The following KIAA0825 variants were observed in gnomAD, a reference collection of about 807,000 sequenced individuals.
KIAA0825 encodes uncharacterized protein KIAA0825.
In KIAA0825, 119 loss-of-function variants were observed where a neutral mutation model predicts 147.6. The ratio of observed to expected loss-of-function variants is 0.81; its 90% CI spans 0.69 to 0.94. The LOEUF (loss-of-function observed/expected upper bound fraction) is 0.94, where lower values mean the gene tolerates loss of function less well. KIAA0825 is among the 40% of genes least tolerant of loss of function. KIAA0825 has a pLI of 0.00. For missense variants in KIAA0825, 1,381 were observed against 1,472.7 expected (o/e 0.94, Z 1.02); for synonymous variants, 470 against 518.1 (o/e 0.91, Z 1.26).
chr5:94,178,282 T>G (rs1225885042), intron 20 of KIAA0825, among the ~76,000 whole-genome samples: 8 of 152,034 alleles, frequency 5.3e-5, no homozygotes, highest in African/African-American at 1.9e-4. Context: ...GTTAGTCCTT[T>G]CTATCAGTTA....
At chr5:94,584,933 C>A (rs915784652) in intron 1 of KIAA0825, among the ~76,000 whole-genome samples, 2 of 152,104 alleles carry the variant, frequency 1.3e-5, no homozygotes, top group African/African-American at 4.8e-5. Context: ...TCATATTGAG[C>A]CAAACTAAGC....
chr5:94,483,528 G>A (rs1476661797), intron 6 of KIAA0825, among the ~76,000 whole-genome samples: 2 of 151,466 alleles, frequency 1.3e-5, no homozygotes, highest in African/African-American at 2.4e-5. Flanking sequence ...TCTAAAAGAC[G>A]TTTTAAGGGT....
intron 20 of KIAA0825, among the ~76,000 whole-genome samples, chr5:94,273,675 G>C (rs1373582856): frequency 1.3e-5 from 2 of 152,028 alleles, no homozygotes; most frequent in Non-Finnish European, 2.9e-5. Context: ...TTTCTTAAAG[G>C]TGATTGGGGT....
At chr5:94,375,094 C>T (rs1270778382) in intron 20 of KIAA0825, among the ~76,000 whole-genome samples, 4 of 147,106 alleles carry the variant, frequency 2.7e-5, no homozygotes, top group East Asian at 2.0e-4. Flanking sequence ...TGCAGTGGCA[C>T]GACCTCGGCT....
At chr5:94,565,095 C>CTTTGTTTTTTTTTTTTTTTTTTTTTTTT (rs1778432946) in intron 2 of KIAA0825, among the ~76,000 whole-genome samples, 1 of 52,936 alleles carries the variant, frequency 1.9e-5, no homozygotes, top group Non-Finnish European at 3.7e-5. Context: ...TCTTGCTTTC[C>CTTTGTTTTTTTTTTTTTTTTTTTTTTTT]TTTTTTTTTT....
intron 20 of KIAA0825, among the ~76,000 whole-genome samples, chr5:94,258,931 A>G (rs750559526): frequency 6.6e-6 from 1 of 152,004 alleles, no homozygotes; most frequent in Non-Finnish European, 1.5e-5. Flanking sequence ...TCACGACTCC[A>G]TTGGTAGCTC....
At chr5:94,411,126 A>G (rs1020174818) in intron 15 of KIAA0825, among the ~76,000 whole-genome samples, 2 of 152,194 alleles carry the variant, frequency 1.3e-5, no homozygotes, top group African/African-American at 4.8e-5. Context: ...TATCAGATGC[A>G]AAGTGGTATA....
chr5:94,336,174 A>T (rs1781767327), intron 20 of KIAA0825, among the ~76,000 whole-genome samples: 1 of 152,020 alleles, frequency 6.6e-6, no homozygotes, highest in Middle Eastern at 3.2e-3. Flanking sequence ...GTTTGAGACC[A>T]GCCTAGCCGA....
chr5:94,467,645 C>A (rs901350323), intron 10 of KIAA0825, among the ~76,000 whole-genome samples: 2 of 152,220 alleles, frequency 1.3e-5, no homozygotes, highest in Non-Finnish European at 2.9e-5. Flanking sequence ...GTATCTAGAT[C>A]TCACTTGCTA....
At chr5:94,435,916 A>G (rs1021995774) in intron 14 of KIAA0825, among the ~76,000 whole-genome samples, 3 of 152,104 alleles carry the variant, frequency 2.0e-5, no homozygotes, top group South Asian at 2.1e-4. Context: ...GGCTGCATGT[A>G]TATCTTCTTT....
At chr5:94,464,373 AT>A (rs1383623183) in intron 11 of KIAA0825, among the ~76,000 whole-genome samples, 1 of 152,160 alleles carries the variant, frequency 6.6e-6, no homozygotes, top group Admixed American at 6.5e-5. Context: ...AATAGTGAAA[AT>A]AAAAGGAAAA....
At chr5:94,533,346 G>A (rs752420392) in intron 3 of KIAA0825, among the ~76,000 whole-genome samples, 59 of 141,392 alleles carry the variant, frequency 4.2e-4, no homozygotes, top group Non-Finnish European at 7.7e-4. Context: ...GTGTGATCTC[G>A]GCTCACTGCA....
In KIAA0825 at chr5:94,403,670, G is replaced by A. The variant is rs1196788464; in HGVS notation, c.2786C>T (p.Thr929Ile). Residue 929 changes from threonine to isoleucine, a missense_variant, in exon 16 of 21, where the codon ACA (threonine) becomes ATA (isoleucine). By Grantham distance (89) the Thr-to-Ile change is moderately conservative. Coordinates refer to ENST00000682413, the MANE Select transcript of KIAA0825 (RefSeq NM_001145678.3). ...AGGAACAATGTGCTTGTTTAGGTTT[G>A]TCTCACAGTTTCTCCTAGAACTCAT... ...SVMSSRRNCETNLNKHIVPDC... is the reference protein window; with the variant it reads ...SVMSSRRNCEINLNKHIVPDC... 1 of 1,551,538 alleles carries A rather than the reference G, an allele frequency of 6.4e-7. No individual in the cohort carries two copies. Among genetic ancestry groups the A allele is most frequent in the Non-Finnish European group, 8.7e-7 (1 of 1,146,892 alleles).
At chr5:94,585,817 G>GA (rs1343355709) in intron 1 of KIAA0825, among the ~76,000 whole-genome samples, 2 of 152,088 alleles carry the variant, frequency 1.3e-5, no homozygotes, top group Non-Finnish European at 2.9e-5. Flanking sequence ...AAATGTAAAA[G>GA]AACAGAAATC....
rs1223490806 is a variant in KIAA0825 at position 94,307,719 on chromosome 5, A to G, written c.3710+76649T>C. On this transcript the variant is annotated intron_variant, in intron 20 of 20. Transcript: ENST00000682413. ...CTTCTTCCCAGATAAGATGATAACT[A>G]CTCCACCTCGAAAACAGAGATTGTC... Among the ~76,000 whole-genome samples, 3 of 151,566 alleles carry G rather than the reference A, an allele frequency of 2.0e-5. No individual in the cohort carries two copies. The East Asian group carries it at 5.9e-4, about 30-fold the overall frequency.
chr5:94,461,294 C>T (rs555261648), intron 12 of KIAA0825, among the ~76,000 whole-genome samples: 87 of 151,906 alleles, frequency 5.7e-4, no homozygotes, highest in Non-Finnish European at 1.1e-3. Context: ...ACTTTGTTCC[C>T]GATTTTCACA....
chr5:94,164,050 T>TA (rs529643869), intron 20 of KIAA0825, among the ~76,000 whole-genome samples: 16 of 152,228 alleles, frequency 1.1e-4, no homozygotes, highest in Non-Finnish European at 1.9e-4. Flanking sequence ...AGTCACATTT[T>TA]AGAACAGAGT....
At chr5:94,520,098 C>A (rs1175863915) in intron 5 of KIAA0825, 150 bp downstream of exon 5, 2 of 1,153,658 alleles carry the variant, frequency 1.7e-6, no homozygotes, top group Admixed American at 3.9e-5. Flanking sequence ...GAAAAAAATG[C>A]ATGAGAAATG....
Position 94,396,383 on chromosome 5 carries a change from A to T in KIAA0825, c.3014T>A (p.Phe1005Tyr). ...CAGGCCAGCTTTCTTCAATTCAACA[A>T]ATTTTTTTGACATTTTTCTCTCAGA... The part of the protein sequence containing the change: ...FLSERKMSKK[F>Y]VELKKAGLLV... Residue 1005 changes from phenylalanine to tyrosine, a missense_variant, in exon 17 of 21, where the codon TTT (phenylalanine) becomes TAT (tyrosine). Phe to Tyr is a conservative substitution (Grantham distance 22). Transcript: ENST00000682413. 1 of 1,550,412 alleles carries T rather than the reference A, an allele frequency of 6.4e-7. No individual in the cohort carries two copies. Among genetic ancestry groups the T allele is most frequent in the Non-Finnish European group, 8.7e-7 (1 of 1,146,690 alleles).
Sources: gnomAD v4.1 joint callset for allele counts (sites outside exome capture counted in the v4.1 genomes callset) on GRCh38, gnomAD v4.1.1 for gene constraint, MANE v1.5 for transcripts, NCBI Gene and HGNC (gene_info 2026-07-23, HGNC 2026-07-21) for gene names.